BIN1: variants seen among roughly 807,000 people sequenced by gnomAD.
BIN1 encodes myc box-dependent-interacting protein 1.
BIN1 carries 53 observed loss-of-function variants against 82.0 expected under a neutral mutation model. The ratio of observed to expected loss-of-function variants is 0.65; its 90% confidence interval spans 0.52 to 0.81. The LOEUF is 0.81. BIN1 is among the 40% of genes least tolerant of loss of function. BIN1 has a pLI of 0.00. For synonymous variants in BIN1, 302 were observed against 328.0 expected, an observed-to-expected ratio of 0.92 and a Z score of 0.86; for missense variants, 642 against 784.4, an observed-to-expected ratio of 0.82 and a Z score of 2.17.
In BIN1 at chr2:127,059,355, G is replaced by A. The variant is rs1251643643; in HGVS notation, c.858-200C>T. Among the ~76,000 whole-genome samples the A allele has an allele frequency of 1.3e-5, 2 of 151,904 alleles. No individual in the cohort carries two copies. Among genetic ancestry groups the A allele is most frequent in the Admixed American group, 6.6e-5 (1 of 15,262 alleles). ...GACCTGGGCTTGGGGGGCTGGAAGT[G>A]GGAAGCCTGCCTCAGAAACAGGAAC... On this transcript the variant is annotated intron_variant, in intron 10 of 18. Transcript: ENST00000316724. This position sits in a 1 kb window ranked among gnomAD's most constrained non-coding sequence, Gnocchi z 6.7.
rs1237754962 is a variant in BIN1 at position 127,107,144 on chromosome 2, C to A, written c.-201G>T. 1 of 508,148 alleles carries A rather than the reference C, an allele frequency of 2.0e-6. No individual in the cohort carries two copies. Among genetic ancestry groups the A allele is most frequent in the Non-Finnish European group, 3.1e-6 (1 of 323,106 alleles). The allele number at this position is 508,148 out of a possible 1,614,324, so 31.5% of individuals were successfully genotyped here. ...CCAGCGAGCTAGCCAGCGAGCGACG[C>A]GGGGACAGAGGGAGGGAGAGGGGAG... On this transcript the variant is annotated 5_prime_UTR_variant, in exon 1 of 19. Transcript: ENST00000316724. This position sits in a 1 kb window ranked among gnomAD's most constrained non-coding sequence, Gnocchi z 5.9.
chr2:127,052,590 C>G, intron 14 of BIN1: 1 of 571,332 alleles, frequency 1.8e-6, no homozygotes, highest in East Asian at 2.9e-5. Flanking sequence ...CAGCACCTAC[C>G]GAAATCCACT....
At position 127,069,011 on chromosome 2, in the gene BIN1, C is replaced by T. The variant is rs758913903; in HGVS notation, c.432G>A (p.Gly144=). The change falls in exon 6 of 19, where the codon GGG becomes GGA. Residue 144 remains glycine (G), a synonymous_variant. Coordinates refer to ENST00000316724, the MANE Select transcript of BIN1 (RefSeq NM_139343.3). The stretch of plus-strand genomic sequence containing the variant: ...CACTGTCGTAGTCCACCAGCTTGCG[C>T]CCCCGCTTGGCAATGCGTGACTGGG... ...PDIKSRIAKR[G]RKLVDYDSAR... 6.2e-7 allele frequency: 1 copy of T among 1,614,090 alleles called. No individual in the cohort carries two copies. The highest frequency in any genetic ancestry group is 1.1e-5 in the South Asian group (1 of 91,086).
At chr2:127,105,587 C>A (rs932670784) in intron 1 of BIN1, among the ~76,000 whole-genome samples, 4 of 151,994 alleles carry the variant, frequency 2.6e-5, no homozygotes, top group Non-Finnish European at 5.9e-5. Context: ...CACCCACCCA[C>A]CTCCTTAGCC....
chr2:127,106,270 C>T (rs1681108364), intron 1 of BIN1, among the ~76,000 whole-genome samples: 1 of 152,248 alleles, frequency 6.6e-6, no homozygotes, highest in East Asian at 1.9e-4. Context: ...CGGGAGCTTC[C>T]AGGCCGCAGG....
Position 127,057,466 on chromosome 2 carries a change from G to A in BIN1, c.1131+7C>T, listed in dbSNP as rs376590911. The A allele has an allele frequency of 2.5e-4, 393 of 1,545,044 alleles. No individual in the cohort carries two copies. Among genetic ancestry groups the A allele is most frequent in the Non-Finnish European group, 3.2e-4 (370 of 1,143,308 alleles). On this transcript the variant is annotated splice_region_variant and intron_variant, in intron 12 of 18. Transcript: ENST00000316724. This position sits in a 1 kb window ranked among gnomAD's most constrained non-coding sequence, Gnocchi z 5.0. ...AGGAGAGCTGGGCCGCGGCGGCCGC[G>A]GCTGACCTGGGAGGGGGTGGTCACG...
At chr2:127,053,372 G>C in intron 14 of BIN1, 50 bp downstream of exon 14, 1 of 1,611,204 alleles carries the variant, frequency 6.2e-7, no homozygotes, top group Non-Finnish European at 8.5e-7. Context: ...GGACACATAC[G>C]GAAGAGTGGC....
At chr2:127,086,831 A>G (rs6706041) in intron 1 of BIN1, among the ~76,000 whole-genome samples, 90,008 of 151,484 alleles carry the variant, frequency 0.59, 26,862 homozygotes, top group African/African-American at 0.63. Flanking sequence ...TAACAAGTCC[A>G]TGACCCCCAG....
At chr2:127,103,398 G>A (rs534405084) in intron 1 of BIN1, among the ~76,000 whole-genome samples, 90 of 152,246 alleles carry the variant, frequency 5.9e-4, no homozygotes, top group African/African-American at 1.4e-3. Flanking sequence ...TTCCTTTAGC[G>A]AGCCTCTTCT....
chr2:127,085,491 C>T (rs1678013596), intron 1 of BIN1, among the ~76,000 whole-genome samples: 1 of 152,216 alleles, frequency 6.6e-6, no homozygotes, highest in African/African-American at 2.4e-5. Context: ...CACACACCCT[C>T]CCTGGCAGAG....
In BIN1 at chr2:127,050,512, T is replaced by C. The variant is rs1412878762; in HGVS notation, c.1583A>G (p.Gln528Arg). The part of the protein sequence containing the change: ...PPGFMFKVQA[Q>R]HDYTATDTDE... ...TGTGTCAGTGGCCGTGTAGTCGTGC[T>C]GGGCCTGTACCTGCAGAGGATGCGG... Residue 528 changes from glutamine to arginine, a missense_variant, in exon 18 of 19, where the codon CAG (glutamine) becomes CGG (arginine). By Grantham distance (43) the Gln-to-Arg change is conservative (BLOSUM62 1). Coordinates refer to ENST00000316724, the MANE Select transcript of BIN1 (RefSeq NM_139343.3). 1 of 1,614,244 alleles carries C rather than the reference T, an allele frequency of 6.2e-7. No homozygotes were observed. Among genetic ancestry groups the C allele is most frequent in the Non-Finnish European group, 8.5e-7 (1 of 1,180,044 alleles).
chr2:127,057,440 G>A lies in BIN1; in HGVS notation c.1131+33C>T. On this transcript the variant is annotated intron_variant, in intron 12 of 18. Coordinates refer to ENST00000316724, the MANE Select transcript of BIN1 (RefSeq NM_139343.3). The surrounding 1 kb of genome is among the most constrained non-coding windows in gnomAD (Gnocchi z 5.0). ...TGCACGCCCTGAGAGGGCAGGAAGA[G>A]AGGAGAGCTGGGCCGCGGCGGCCGC... 1 of 1,536,368 alleles carries A rather than the reference G, an allele frequency of 6.5e-7. No homozygotes were observed. Among genetic ancestry groups the A allele is most frequent in the Non-Finnish European group, 8.8e-7 (1 of 1,139,464 alleles).
chr2:127,086,992 G>A (rs1261745542), intron 1 of BIN1, among the ~76,000 whole-genome samples: 3 of 152,206 alleles, frequency 2.0e-5, no homozygotes, highest in African/African-American at 7.2e-5. Flanking sequence ...GGCCTCTCTT[G>A]GGAGGCCGTC....
chr2:127,087,249 C>T (rs1426868391), intron 1 of BIN1, among the ~76,000 whole-genome samples: 1 of 152,208 alleles, frequency 6.6e-6, no homozygotes. Context: ...CAGCCCCGCC[C>T]CTGAGAAAGA....
In BIN1 at chr2:127,064,033, G is replaced by A. The variant is rs374128965; in HGVS notation, c.613-15C>T. On this transcript the variant is annotated splice_polypyrimidine_tract_variant and intron_variant, in intron 7 of 18. Coordinates refer to ENST00000316724, the MANE Select transcript of BIN1 (RefSeq NM_139343.3). The stretch of plus-strand genomic sequence containing the variant: ...TCCTCCTCGGCCTGGGGGGCAGCAC[G>A]GGTCATTCCCCTCTGTTGGGCGTCC... 2.9e-5 allele frequency: 46 copies of A among 1,613,668 alleles called. No homozygotes were observed. Among genetic ancestry groups the A allele is most frequent in the Middle Eastern group, 3.3e-4 (2 of 6,060 alleles).
Position 127,048,257 on chromosome 2 carries a change from C to T in BIN1, c.*269G>A, listed in dbSNP as rs985557419. 5.3e-4 allele frequency: 245 copies of T among 464,934 alleles called. No homozygotes were observed. The highest frequency in any genetic ancestry group is 4.0e-3 in the African/African-American group (205 of 50,644). 28.8% of individuals were successfully genotyped at this position (464,934 alleles called of 1,614,324 possible). The stretch of plus-strand genomic sequence containing the variant: ...CCCAGCCCCGCCCTGCGGCCAGGCA[C>T]ACATGCGGGCACAGGCAGGGGCGCC... On this transcript the variant is annotated 3_prime_UTR_variant, in exon 19 of 19. Coordinates refer to ENST00000316724, the MANE Select transcript of BIN1 (RefSeq NM_139343.3).
In BIN1 at chr2:127,052,114, A is replaced by C. The variant is rs557942706; in HGVS notation, c.1371+141T>G. 20 of 934,944 alleles carry C rather than the reference A, an allele frequency of 2.1e-5. No individual in the cohort carries two copies. The African/African-American group carries it at 2.9e-4, about 14-fold the overall frequency. 57.9% of individuals were successfully genotyped at this position (934,944 alleles called of 1,614,324 possible). A position where few individuals can be genotyped will look rare whatever the true frequency, so the allele number is the denominator to read the frequency against. ...CTTGGTGACAAGCCCGTGCTGGGGC[A>C]GCCTAGCTCAGGACCCTGTCCTCAC... On this transcript the variant is annotated intron_variant, in intron 15 of 18. Transcript: ENST00000316724.
chr2:127,099,585 C>T (rs1392515432), intron 1 of BIN1, among the ~76,000 whole-genome samples: 1 of 152,238 alleles, frequency 6.6e-6, no homozygotes, highest in Admixed American at 6.5e-5. Flanking sequence ...ACGATCTGGG[C>T]TCACTGCAAC....
chr2:127,070,174 A>T, intron 4 of BIN1, 84 bp from the exon 5 acceptor site: 2 of 1,128,362 alleles, frequency 1.8e-6, no homozygotes, highest in Non-Finnish European at 2.6e-6. Context: ...GACCAGCCCC[A>T]GCCCCATCTC....
Sources: gnomAD v4.1 joint callset for allele counts (sites outside exome capture counted in the v4.1 genomes callset) on GRCh38, gnomAD v4.1.1 for gene constraint, Gnocchi (gnomAD v3.1) non-coding constraint, MANE v1.5 for transcripts, NCBI Gene and HGNC (gene_info 2026-07-23, HGNC 2026-07-21) for gene names.